Variants in INSR observed in about 807,000 individuals in gnomAD.
INSR encodes the protein insulin receptor.
A neutral mutation model predicts 142.6 loss-of-function variants in INSR; 67 were observed. The observed-to-expected ratio is 0.47, with a 90% CI of 0.39 to 0.58. The LOEUF (loss-of-function observed/expected upper bound fraction) is 0.58, where lower values mean the gene tolerates loss of function less well. Ranked by LOEUF, INSR falls within the 20% of genes least tolerant of loss-of-function variation. INSR has a pLI of 0.00. For synonymous variants in INSR, 756 were observed against 743.1 expected, an observed-to-expected ratio of 1.02 and a Z score of -0.28; for missense variants, 1,248 against 1,833.2, an observed-to-expected ratio of 0.68 and a Z score of 5.83.
At chr19:7,182,767 T>C (rs1190469379) in intron 3 of INSR, among the ~76,000 whole-genome samples, 1 of 152,106 alleles carries the variant, frequency 6.6e-6, no homozygotes, top group Admixed American at 6.6e-5. Flanking sequence ...AAAATGCCTT[T>C]TATTTAAGGC....
chr19:7,132,285 G>A lies in INSR; in HGVS notation c.2715C>T (p.Phe905=), dbSNP rs781378040. Residue 905 remains phenylalanine (F), a synonymous_variant, in exon 14 of 22, where the codon TTC becomes TTT. Coordinates refer to ENST00000302850, the MANE Select transcript of INSR (RefSeq NM_000208.4). ...ELHLCVSRKH[F]ALERGCRLRG... is the part of the protein sequence containing the mutation. ...GCAGCCTGCAGCCCCGTTCCAGAGCGAAGTGCTTGCGGGAGACGCAGAGAT... is the reference window on the plus strand; with the variant it reads ...GCAGCCTGCAGCCCCGTTCCAGAGCAAAGTGCTTGCGGGAGACGCAGAGAT... 7.4e-6 allele frequency: 12 copies of A among 1,614,092 alleles called. No homozygotes were observed. The highest frequency in any genetic ancestry group is 4.5e-5 in the East Asian group (2 of 44,882).
Position 7,126,655 on chromosome 19 carries a change from G to T in INSR, c.2946-4C>A. On this transcript the variant is annotated splice_polypyrimidine_tract_variant and splice_region_variant and intron_variant, in intron 15 of 21. Transcript: ENST00000302850. ...TCCCAGCGGCCCATCTGGCTGCCTG[G>T]AGGAGGAAAACGAGGCACGTTAGCT... 1 of 1,563,276 alleles carries T rather than the reference G, an allele frequency of 6.4e-7. No homozygotes were observed. Among genetic ancestry groups the T allele is most frequent in the East Asian group, 2.4e-5 (1 of 42,498 alleles).
rs1202880922 is a variant in INSR at position 7,115,888 on chromosome 19, T to C, written c.*1168A>G. ...ACATGGCTTCATTCCCAGAAATGGATGCCTTTAAGACCAAACAAAGAGGCC... is the reference window on the plus strand; with the variant it reads ...ACATGGCTTCATTCCCAGAAATGGACGCCTTTAAGACCAAACAAAGAGGCC... On this transcript the variant is annotated 3_prime_UTR_variant, in exon 22 of 22. Transcript: ENST00000302850. The C allele has an allele frequency of 1.3e-5, 2 of 152,178 alleles. No individual in the cohort carries two copies. The highest frequency in any genetic ancestry group is 2.9e-5 in the Non-Finnish European group (2 of 68,042). The allele number at this position is 152,178 out of a possible 1,614,324, so 9.4% of individuals were successfully genotyped here.
At chr19:7,173,214 C>T (rs150094227) in intron 4 of INSR, among the ~76,000 whole-genome samples, 14 of 152,242 alleles carry the variant, frequency 9.2e-5, no homozygotes, top group East Asian at 1.9e-4. Context: ...TTTACTTATG[C>T]GCAAAAATCC....
chr19:7,219,835 A>G (rs771818980), intron 2 of INSR, among the ~76,000 whole-genome samples: 2 of 152,118 alleles, frequency 1.3e-5, no homozygotes, highest in African/African-American at 4.8e-5. Context: ...GCTTCCTTCT[A>G]TGGTGTCAGA....
intron 7 of INSR, among the ~76,000 whole-genome samples, chr19:7,167,404 C>T (rs1001837882): frequency 3.3e-5 from 5 of 152,006 alleles, no homozygotes; most frequent in East Asian, 3.9e-4. Flanking sequence ...TGGCAAAACC[C>T]GTCTCTATCA....
chr19:7,283,125 C>T (rs1203298297), intron 1 of INSR, among the ~76,000 whole-genome samples: 3 of 150,724 alleles, frequency 2.0e-5, no homozygotes, highest in East Asian at 2.0e-4. Context: ...CCCAGGAGGT[C>T]GAGGCTGCAG....
At chr19:7,203,795 A>G (rs1353110269) in intron 2 of INSR, among the ~76,000 whole-genome samples, 1 of 148,696 alleles carries the variant, frequency 6.7e-6, no homozygotes, top group Non-Finnish European at 1.5e-5. Context: ...CACCTATTTC[A>G]CATTCCATCG....
At position 7,192,785 on chromosome 19, in the gene INSR, G is replaced by A. The variant is rs992744185; in HGVS notation, c.653-8148C>T. Among the ~76,000 whole-genome samples the A allele has an allele frequency of 3.3e-5, 5 of 152,162 alleles. No individual in the cohort carries two copies. The highest frequency in any genetic ancestry group is 1.3e-4 in the Admixed American group (2 of 15,268). On this transcript the variant is annotated intron_variant, in intron 2 of 21. Coordinates refer to ENST00000302850, the MANE Select transcript of INSR (RefSeq NM_000208.4). This position sits in a 1 kb window ranked among gnomAD's most constrained non-coding sequence, Gnocchi z 4.2. ...AGCTGCTGGTCCCAATTTTCCCCCA[G>A]TTCTCCCTAAACCTCCCAAAAGCTC...
intron 9 of INSR, among the ~76,000 whole-genome samples, chr19:7,154,969 G>A (rs1973552348): frequency 6.6e-6 from 1 of 152,104 alleles, no homozygotes; most frequent in Admixed American, 6.6e-5. Context: ...CAGGACTGAA[G>A]ATTATAAGGT....
intron 1 of INSR, among the ~76,000 whole-genome samples, chr19:7,269,951 T>C (rs1414567874): frequency 6.6e-6 from 1 of 152,116 alleles, no homozygotes; most frequent in African/African-American, 2.4e-5. Context: ...TTCTATGAAA[T>C]TCTTGTGGGG....
chr19:7,245,138 G>A (rs1407996690), intron 2 of INSR, among the ~76,000 whole-genome samples: 7 of 151,546 alleles, frequency 4.6e-5, no homozygotes, highest in African/African-American at 1.2e-4. Flanking sequence ...GGGTTTTACC[G>A]TGTTAGCCAG....
Position 7,159,403 on chromosome 19 carries a change from A to G in INSR, c.2029+3629T>C, listed in dbSNP as rs1351460800. 6.6e-6 allele frequency: 1 copy of G among 152,008 alleles called. No individual in the cohort carries two copies. The highest frequency in any genetic ancestry group is 1.5e-5 in the Non-Finnish European group (1 of 67,978). 9.4% of individuals were successfully genotyped at this position (152,008 alleles called of 1,614,324 possible). A position where few individuals can be genotyped will look rare whatever the true frequency, so the allele number is the denominator to read the frequency against. On this transcript the variant is annotated intron_variant, in intron 9 of 21. Coordinates refer to ENST00000302850, the MANE Select transcript of INSR (RefSeq NM_000208.4). The surrounding 1 kb of genome is among the most constrained non-coding windows in gnomAD (Gnocchi z 4.3). ...AATCTGAGGACTCTAGGGACCTCCT[A>G]GGAGTGAAATCACACAGAATTTGTC...
intron 19 of INSR, among the ~76,000 whole-genome samples, chr19:7,121,179 A>G (rs543467308): frequency 1.3e-5 from 2 of 151,950 alleles, no homozygotes; most frequent in South Asian, 4.2e-4. Context: ...TTGTATTTTG[A>G]GTAGAGACAG....
chr19:7,257,143 A>G (rs917571250), intron 2 of INSR, among the ~76,000 whole-genome samples: 3 of 151,826 alleles, frequency 2.0e-5, no homozygotes, highest in African/African-American at 7.3e-5. Context: ...GGGTTTCACT[A>G]TGTTGGCCCA....
chr19:7,221,438 G>T (rs1975613597), intron 2 of INSR, among the ~76,000 whole-genome samples: 1 of 149,914 alleles, frequency 6.7e-6, no homozygotes, highest in African/African-American at 2.5e-5. Context: ...GCTGGGCGCA[G>T]TGGCCACGCC....
At chr19:7,204,334 C>T (rs760723862) in intron 2 of INSR, among the ~76,000 whole-genome samples, 9 of 152,066 alleles carry the variant, frequency 5.9e-5, no homozygotes, top group South Asian at 2.1e-4. Context: ...GGATTACAGA[C>T]GTGAGCCACC....
intron 13 of INSR, among the ~76,000 whole-genome samples, chr19:7,137,507 G>C (rs532090664): frequency 6.6e-6 from 1 of 152,124 alleles, no homozygotes; most frequent in Non-Finnish European, 1.5e-5. Context: ...ACTGACCCAG[G>C]CTAGGCATGG....
At chr19:7,181,105 C>T (rs1172513491) in intron 3 of INSR, among the ~76,000 whole-genome samples, 2 of 151,916 alleles carry the variant, frequency 1.3e-5, no homozygotes, top group African/African-American at 4.8e-5. Flanking sequence ...AATCCCACGC[C>T]TGGCTAATTT....
Sources: gnomAD v4.1 joint callset for allele counts (sites outside exome capture counted in the v4.1 genomes callset) on GRCh38, gnomAD v4.1.1 for gene constraint, Gnocchi (gnomAD v3.1) non-coding constraint, MANE v1.5 for transcripts, NCBI Gene and HGNC (gene_info 2026-07-23, HGNC 2026-07-21) for gene names.